DAB2IP: variants seen among roughly 807,000 people sequenced by gnomAD.
The protein encoded by DAB2IP is DAB2 interacting protein.
DAB2IP carries 28 observed loss-of-function variants against 107.2 expected under a neutral mutation model. The observed-to-expected ratio is 0.26, with a 90% CI of 0.19 to 0.36. The LOEUF is 0.36. Among genes scored for constraint, DAB2IP ranks in the 10% least tolerant of loss-of-function variants. The probability of loss-of-function intolerance (pLI) is 1.00; values close to 1 mark genes in which losing one functional copy is unlikely to be tolerated. For synonymous variants in DAB2IP, 755 were observed against 706.4 expected, an observed-to-expected ratio of 1.07 and a Z score of -1.09; for missense variants, 1,400 against 1,644.7, an observed-to-expected ratio of 0.85 and a Z score of 2.57.
intron 3 of DAB2IP, among the ~76,000 whole-genome samples, chr9:121,742,497 G>A (rs1278683062): frequency 6.6e-6 from 1 of 152,246 alleles, no homozygotes; most frequent in Non-Finnish European, 1.5e-5. Context: ...AATGGCCCAC[G>A]CTTCTCTGAG....
intron 5 of DAB2IP, among the ~76,000 whole-genome samples, chr9:121,759,524 C>A (rs531632403): frequency 1.7e-4 from 26 of 152,346 alleles, no homozygotes; most frequent in Non-Finnish European, 2.5e-4. Flanking sequence ...ACAGTACAGA[C>A]CAGCATATTA....
intron 2 of DAB2IP, among the ~76,000 whole-genome samples, chr9:121,694,309 C>T (rs576767264): frequency 5.2e-4 from 79 of 152,254 alleles, no homozygotes; most frequent in African/African-American, 1.8e-3. Flanking sequence ...AGCCTGCATT[C>T]CCCCACCCGG....
At chr9:121,703,630 TG>T (rs1350797746) in intron 3 of DAB2IP, among the ~76,000 whole-genome samples, 2 of 152,256 alleles carry the variant, frequency 1.3e-5, no homozygotes, top group East Asian at 1.9e-4. Context: ...AGAAATTTTC[TG>T]GTTCAGTGCT....
intron 1 of DAB2IP, among the ~76,000 whole-genome samples, chr9:121,611,030 G>C (rs1831074319): frequency 6.6e-6 from 1 of 152,132 alleles, no homozygotes; most frequent in Non-Finnish European, 1.5e-5. Flanking sequence ...ATGCTGGAGT[G>C]AGTGGTGCAA....
chr9:121,685,672 G>C (rs1391666208), intron 2 of DAB2IP, among the ~76,000 whole-genome samples: 2 of 152,186 alleles, frequency 1.3e-5, no homozygotes, highest in Admixed American at 6.5e-5. Context: ...TCTTTCTTTC[G>C]ATAAATTTGC....
At position 121,573,628 on chromosome 9, in the gene DAB2IP, CCA is replaced by C. The variant is rs940975833; in HGVS notation, c.40+6402_40+6403del. Among the ~76,000 whole-genome samples, 33 of 152,194 alleles carry C rather than the reference CCA, an allele frequency of 2.2e-4. 1 individual carries two copies. The highest frequency in any genetic ancestry group is 8.0e-4 in the African/African-American group (33 of 41,466). ...GAACTCCTGACCTCAGGTAATCTGC[CCA>C]CCTTGGCCTCCCAAAATGCTGGGAT... On this transcript the variant is annotated intron_variant, in intron 1 of 16. Coordinates refer to the DAB2IP transcript ENST00000259371.
At chr9:121,781,493 A>C (rs1281367403) in exon 15 of DAB2IP, 1 of 1,614,064 alleles carries the variant, frequency 6.2e-7, no homozygotes, top group Admixed American at 1.7e-5. Flanking sequence ...GAACTGAAGA[A>C]GGACCACGCA....
chr9:121,764,578 C>G lies in DAB2IP; in HGVS notation c.1460+699C>G, dbSNP rs74774338. On this transcript the variant is annotated intron_variant, in intron 8 of 15. Transcript: ENST00000408936. ...CCTCGTTCTGTGGTGGCACACAGGA[C>G]TGTGCGGGAGGGCCTTGCTGTCAGC... 5.3e-3 allele frequency among the ~76,000 whole-genome samples: 805 copies of G among 152,302 alleles called. 1 individual carries two copies. The highest frequency in any genetic ancestry group is 0.01 in the Middle Eastern group (3 of 294).
chr9:121,579,738 T>C (rs1830148634), intron 1 of DAB2IP, among the ~76,000 whole-genome samples: 1 of 152,220 alleles, frequency 6.6e-6, no homozygotes, highest in Non-Finnish European at 1.5e-5. Flanking sequence ...TGGAGCTTCA[T>C]CTCTGTGGCC....
At chr9:121,609,954 G>T (rs889566171) in intron 1 of DAB2IP, among the ~76,000 whole-genome samples, 4 of 152,224 alleles carry the variant, frequency 2.6e-5, no homozygotes, top group African/African-American at 9.6e-5. Flanking sequence ...GGCTCCTGGC[G>T]TCGGTGTGGC....
At chr9:121,666,173 C>T (rs1457414625) in intron 1 of DAB2IP, among the ~76,000 whole-genome samples, 1 of 152,172 alleles carries the variant, frequency 6.6e-6, no homozygotes, top group Non-Finnish European at 1.5e-5. Context: ...CATGTCACTC[C>T]CACCTCTGCT....
intron 3 of DAB2IP, among the ~76,000 whole-genome samples, chr9:121,732,578 G>A (rs540434438): frequency 6.6e-6 from 1 of 152,246 alleles, no homozygotes; most frequent in East Asian, 1.9e-4. Flanking sequence ...GGGAGGCTGT[G>A]GGCTGATGAC....
Position 121,702,154 on chromosome 9 carries a change from T to G in DAB2IP, c.362+2696T>G, listed in dbSNP as rs1829821370. 6.6e-6 allele frequency among the ~76,000 whole-genome samples: 1 copy of G among 152,142 alleles called. No individual in the cohort carries two copies. Among genetic ancestry groups the G allele is most frequent in the Non-Finnish European group, 1.5e-5 (1 of 68,004 alleles). On this transcript the variant is annotated intron_variant, in intron 3 of 15. Transcript: ENST00000408936. The surrounding 1 kb of genome is among the most constrained non-coding windows in gnomAD (Gnocchi z 4.5). ...GGTTTATATGGCTGCTGAAGAGGCT[T>G]TGTTGAATGCTGTCTGCGTGCTCCG...
intron 9 of DAB2IP, 67 bp downstream of exon 9, chr9:121,766,797 G>T: frequency 6.6e-7 from 1 of 1,516,994 alleles, no homozygotes; most frequent in Non-Finnish European, 9.1e-7. Flanking sequence ...GGCCCTGGGG[G>T]TGTTTCTGCC....
At chr9:121,729,100 A>C (rs1224373892) in intron 3 of DAB2IP, among the ~76,000 whole-genome samples, 1 of 152,178 alleles carries the variant, frequency 6.6e-6, no homozygotes, top group Non-Finnish European at 1.5e-5. Flanking sequence ...CTTGACAGTC[A>C]TCAGCTCATT....
intron 3 of DAB2IP, among the ~76,000 whole-genome samples, chr9:121,740,180 T>C (rs12002034): frequency 0.068 from 10,327 of 152,186 alleles, 853 homozygotes; most frequent in African/African-American, 0.19. Flanking sequence ...GAATGTTCTC[T>C]GTCCACAGCG....
chr9:121,783,558 G>A (rs766270691), exon 16 of DAB2IP: 16 of 1,613,830 alleles, frequency 9.9e-6, no homozygotes, highest in Non-Finnish European at 1.4e-5. Flanking sequence ...ACAAAAGCCC[G>A]CTTGCTCGCT....
At chr9:121,639,484 A>C (rs941381726) in intron 1 of DAB2IP, among the ~76,000 whole-genome samples, 2 of 152,180 alleles carry the variant, frequency 1.3e-5, no homozygotes, top group African/African-American at 4.8e-5. Context: ...TGCTGAGGTC[A>C]GAGGGCATAG....
chr9:121,588,905 C>G (rs1589380967), intron 1 of DAB2IP, among the ~76,000 whole-genome samples: 1 of 151,932 alleles, frequency 6.6e-6, no homozygotes, highest in Non-Finnish European at 1.5e-5. Flanking sequence ...AGCAGCCTCC[C>G]CATACCTAGG....
Sources: allele counts gnomAD v4.1 joint callset (sites outside exome capture counted in the v4.1 genomes callset), GRCh38; gene constraint gnomAD v4.1.1; non-coding constraint Gnocchi (gnomAD v3.1); transcripts MANE v1.5; gene names NCBI Gene and HGNC (gene_info 2026-07-23, HGNC 2026-07-21).